Variants in PCTP observed in about 807,000 individuals in gnomAD.
PCTP encodes the protein phosphatidylcholine transfer protein, also known as START domain-containing protein 2.
A neutral mutation model predicts 31.0 loss-of-function variants in PCTP; 27 were observed. The observed-to-expected ratio is 0.87, with a 90% confidence interval of 0.64 to 1.20. PCTP has a LOEUF of 1.20. Among genes scored for constraint, PCTP ranks in the 50% most tolerant of loss-of-function variants. PCTP has a pLI of 0.00. For missense variants in PCTP, 287 were observed against 268.2 expected (o/e 1.07, Z -0.49); for synonymous variants, 108 against 101.2 (o/e 1.07, Z -0.40).
intron 3 of PCTP, among the ~76,000 whole-genome samples, chr17:55,771,554 A>G (rs749244037): frequency 5.9e-5 from 9 of 152,162 alleles, no homozygotes; most frequent in Non-Finnish European, 1.0e-4. Flanking sequence ...AGGGCTCCCA[A>G]AGAGGTGATA....
chr17:55,753,689 CT>C (rs1567708641), intron 1 of PCTP, among the ~76,000 whole-genome samples: 1 of 152,188 alleles, frequency 6.6e-6, no homozygotes, highest in Non-Finnish European at 1.5e-5. Context: ...CCATCATTCT[CT>C]CCCATTACCA....
intron 1 of PCTP, among the ~76,000 whole-genome samples, chr17:55,758,367 A>G (rs1910158502): frequency 6.6e-6 from 1 of 152,190 alleles, no homozygotes; most frequent in Admixed American, 6.5e-5. Context: ...CATGACTGGA[A>G]AAACTGCATT....
chr17:55,773,683 A>G, intron 3 of PCTP, 41 bp from the exon 4 acceptor site: 2 of 1,570,506 alleles, frequency 1.3e-6, no homozygotes, highest in Non-Finnish European at 1.7e-6. Flanking sequence ...CTGTCTGTCT[A>G]CAATGCTGGC....
chr17:55,754,224 C>T (rs544247684), intron 1 of PCTP, among the ~76,000 whole-genome samples: 24 of 152,326 alleles, frequency 1.6e-4, no homozygotes, highest in South Asian at 4.1e-4. Flanking sequence ...TTCCCTGCCA[C>T]TTGTAATGCC....
chr17:55,761,969 A>G (rs548793500), intron 1 of PCTP, among the ~76,000 whole-genome samples: 15 of 152,312 alleles, frequency 9.8e-5, no homozygotes, highest in African/African-American at 3.4e-4. Context: ...GATTATTTCA[A>G]GGAGTTAGGG....
intron 2 of PCTP, among the ~76,000 whole-genome samples, chr17:55,786,326 G>C (rs912887481): frequency 2.6e-5 from 4 of 152,144 alleles, no homozygotes; most frequent in Non-Finnish European, 5.9e-5. Flanking sequence ...ATAGAGTCAA[G>C]AGTAGAGCTT....
At chr17:55,812,184 A>C (rs1912773320) in intron 3 of PCTP, among the ~76,000 whole-genome samples, 1 of 152,144 alleles carries the variant, frequency 6.6e-6, no homozygotes, top group Admixed American at 6.5e-5. Flanking sequence ...TTTGAGGTGA[A>C]TAAAGTAAAG....
chr17:55,847,931 GT>G, the PCTP span, among the ~76,000 whole-genome samples: 2 of 150,082 alleles, frequency 1.3e-5, no homozygotes, highest in African/African-American at 2.5e-5. Flanking sequence ...TTTTGTTTTT[GT>G]TTTTTTTTGA....
At chr17:55,775,568 A>G (rs1386591059) in intron 5 of PCTP, 6 of 1,159,532 alleles carry the variant, frequency 5.2e-6, no homozygotes, top group Non-Finnish European at 6.5e-6. Flanking sequence ...CTTCTACTGC[A>G]TAGAGGGGGA....
rs577070947 is a variant in PCTP at position 55,782,681 on chromosome 17, G to A, written c.229-4885G>A. Among the ~76,000 whole-genome samples the A allele has an allele frequency of 3.3e-5, 5 of 152,190 alleles. No individual in the cohort carries two copies. The East Asian group carries it at 9.6e-4, about 29-fold the overall frequency. On this transcript the variant is annotated intron_variant, in intron 2 of 3. Transcript: ENST00000572536. ...TCCTTCTGTTCCATCAATGTGCCAAGCTTGTTTTTACATCAGTCATTGTAC... is the reference window on the plus strand; with the variant it reads ...TCCTTCTGTTCCATCAATGTGCCAAACTTGTTTTTACATCAGTCATTGTAC...
intron 5 of PCTP, among the ~76,000 whole-genome samples, chr17:55,832,153 TTC>T (rs748006943): frequency 7.2e-5 from 11 of 152,296 alleles, no homozygotes; most frequent in Non-Finnish European, 1.5e-4. Context: ...TGTCTCTCCT[TTC>T]TGCACACCAC....
At chr17:55,843,139 T>C (rs2145096694), downstream of PCTP, among the ~76,000 whole-genome samples, 1 of 152,276 alleles carries the variant, frequency 6.6e-6, no homozygotes, top group South Asian at 2.1e-4. Flanking sequence ...AAATTCTAAC[T>C]ACTTGTCATA....
chr17:55,798,154 G>T (rs1771415874), intron 3 of PCTP, among the ~76,000 whole-genome samples: 1 of 151,962 alleles, frequency 6.6e-6, no homozygotes, highest in Non-Finnish European at 1.5e-5. Context: ...ATGTAAAAAT[G>T]TCAGTTGGAA....
intron 3 of PCTP, among the ~76,000 whole-genome samples, chr17:55,816,344 T>C (rs1912917105): frequency 6.6e-6 from 1 of 152,090 alleles, no homozygotes; most frequent in African/African-American, 2.4e-5. Flanking sequence ...TATGAAATAT[T>C]CTGGATATTT....
chr17:55,847,919 G>GT, the PCTP span, among the ~76,000 whole-genome samples: 1 of 151,742 alleles, frequency 6.6e-6, no homozygotes. Flanking sequence ...TTTTGTTTTT[G>GT]TTTTTGTTTT....
chr17:55,791,355 A>G (rs1911968186), intron 3 of PCTP, among the ~76,000 whole-genome samples: 1 of 148,716 alleles, frequency 6.7e-6, no homozygotes, highest in Non-Finnish European at 1.5e-5. Context: ...AACTACCATC[A>G]GAGTGAACAG....
chr17:55,834,365 C>T (rs1452212211), intron 5 of PCTP, among the ~76,000 whole-genome samples: 1 of 152,110 alleles, frequency 6.6e-6, no homozygotes, highest in Admixed American at 6.6e-5. Flanking sequence ...TGCTCCACCC[C>T]CAACAGGCCT....
downstream of PCTP, among the ~76,000 whole-genome samples, chr17:55,780,090 C>CTT (rs59816865): frequency 7.2e-6 from 1 of 138,884 alleles, no homozygotes; most frequent in Non-Finnish European, 1.6e-5. Context: ...CAAGGAAGAA[C>CTT]TTTTTTTTTT....
At chr17:55,811,863 G>T (rs538258512) in intron 3 of PCTP, among the ~76,000 whole-genome samples, 3 of 152,180 alleles carry the variant, frequency 2.0e-5, no homozygotes, top group Non-Finnish European at 4.4e-5. Context: ...CTAGAGGAGC[G>T]TGGGATGCCT....
Sources: allele counts gnomAD v4.1 joint callset (sites outside exome capture counted in the v4.1 genomes callset), GRCh38; gene constraint gnomAD v4.1.1; transcripts MANE v1.5; gene names NCBI Gene and HGNC (gene_info 2026-07-23, HGNC 2026-07-21).